The following GPM6A variants were observed in gnomAD, a reference collection of about 807,000 sequenced individuals.
GPM6A encodes the protein neuronal membrane glycoprotein M6-a.
GPM6A carries 7 observed loss-of-function variants against 32.1 expected under a neutral mutation model. That is an observed-to-expected ratio of 0.22 (90% CI 0.12 to 0.41). GPM6A has a LOEUF of 0.41. GPM6A is among the 10% of genes least tolerant of loss of function. The pLI is 1.00. For synonymous variants in GPM6A, 130 were observed against 123.4 expected, an observed-to-expected ratio of 1.05 and a Z score of -0.35; for missense variants, 235 against 347.2, an observed-to-expected ratio of 0.68 and a Z score of 2.57.
chr4:175,766,915 A>G (rs1479577861), intron 1 of GPM6A, among the ~76,000 whole-genome samples: 2 of 152,052 alleles, frequency 1.3e-5, no homozygotes, highest in African/African-American at 2.4e-5. Context: ...TCGGCCTCCT[A>G]AAGTGCTGGG....
chr4:175,951,339 G>A (rs1410871048), intron 1 of GPM6A, among the ~76,000 whole-genome samples: 1 of 152,180 alleles, frequency 6.6e-6, no homozygotes, highest in African/African-American at 2.4e-5. Flanking sequence ...GGATATAGAA[G>A]TGAAGATGGA....
chr4:175,733,823 T>G (rs1290844068), intron 1 of GPM6A, among the ~76,000 whole-genome samples: 1 of 152,196 alleles, frequency 6.6e-6, no homozygotes, highest in African/African-American at 2.4e-5. Flanking sequence ...TAGCCATGCT[T>G]TAAAAGCTAG....
chr4:175,784,099 A>C (rs1262445146), intron 1 of GPM6A, among the ~76,000 whole-genome samples: 1 of 152,146 alleles, frequency 6.6e-6, no homozygotes, highest in East Asian at 1.9e-4. Flanking sequence ...TAATATTCCC[A>C]GTAATAAATA....
At chr4:175,885,543 A>G (rs1737425217) in intron 1 of GPM6A, among the ~76,000 whole-genome samples, 5 of 152,120 alleles carry the variant, frequency 3.3e-5, no homozygotes, top group Admixed American at 2.6e-4. Flanking sequence ...AGGTGGGCAG[A>G]TGGCTTGAGC....
chr4:175,705,120 A>C (rs2111074502), intron 1 of GPM6A, among the ~76,000 whole-genome samples: 1 of 152,348 alleles, frequency 6.6e-6, no homozygotes, highest in African/African-American at 2.4e-5. Flanking sequence ...CAGAGCATCA[A>C]GTATAAATTC....
At chr4:175,644,485 G>A (rs1216144548) in intron 4 of GPM6A, among the ~76,000 whole-genome samples, 1 of 151,406 alleles carries the variant, frequency 6.6e-6, no homozygotes, top group Non-Finnish European at 1.5e-5. Context: ...TTTGTGATAA[G>A]TATACCATAT....
intron 1 of GPM6A, among the ~76,000 whole-genome samples, chr4:175,964,942 A>T (rs1002237461): frequency 1.3e-5 from 2 of 152,262 alleles, no homozygotes; most frequent in African/African-American, 4.8e-5. Context: ...CAAAAACTCA[A>T]AGAACTGCAA....
Position 175,957,903 on chromosome 4 carries a change from G to GT in GPM6A, c.-23+44405dup, listed in dbSNP as rs988275011. ...TGTTCTGTTTTGTTGTTTGTTTTTTGTTTTTTTGAGACGGAGTCTCACTGC... is the reference window on the plus strand; with the variant it reads ...TGTTCTGTTTTGTTGTTTGTTTTTTGTTTTTTTTGAGACGGAGTCTCACTGC... On this transcript the variant is annotated intron_variant, in intron 1 of 7. Transcript: ENST00000280187. Among the ~76,000 whole-genome samples the GT allele has an allele frequency of 3.6e-4, 55 of 151,904 alleles. 1 individual carries two copies. Among genetic ancestry groups the GT allele is most frequent in the Non-Finnish European group, 2.9e-4 (20 of 67,958 alleles).
intron 1 of GPM6A, among the ~76,000 whole-genome samples, chr4:175,764,672 A>G (rs115655848): frequency 0.069 from 10,518 of 152,122 alleles, 395 homozygotes; most frequent in Non-Finnish European, 0.08. Context: ...TTTCAAAAAC[A>G]TAATAAAAAC....
chr4:175,742,720 G>T (rs1731937851), intron 1 of GPM6A, among the ~76,000 whole-genome samples: 1 of 152,120 alleles, frequency 6.6e-6, no homozygotes, highest in African/African-American at 2.4e-5. Flanking sequence ...ATACACAAGA[G>T]CAGAAGTGAT....
chr4:175,927,624 C>T (rs1320665120), intron 1 of GPM6A, among the ~76,000 whole-genome samples: 4 of 152,348 alleles, frequency 2.6e-5, no homozygotes, highest in Middle Eastern at 3.4e-3. Context: ...GTGGCTCACG[C>T]CTGTAATCCC....
At chr4:175,817,048 T>C (rs373944419), upstream of GPM6A, among the ~76,000 whole-genome samples, 1 of 152,040 alleles carries the variant, frequency 6.6e-6, no homozygotes, top group South Asian at 2.1e-4. Flanking sequence ...GTAGTAGAGA[T>C]GGGGTTTCAC....
chr4:175,763,260 C>T (rs1442767565), intron 1 of GPM6A, among the ~76,000 whole-genome samples: 1 of 152,126 alleles, frequency 6.6e-6, no homozygotes, highest in African/African-American at 2.4e-5. Flanking sequence ...GATTCACCTG[C>T]CTCGGCCTCC....
chr4:175,695,420 G>T (rs1222956295), intron 2 of GPM6A, among the ~76,000 whole-genome samples: 3 of 152,230 alleles, frequency 2.0e-5, no homozygotes, highest in Non-Finnish European at 4.4e-5. Flanking sequence ...GCTTCCCAAA[G>T]CCTGGGGGGG....
chr4:175,749,716 A>G (rs1177743510), intron 1 of GPM6A, among the ~76,000 whole-genome samples: 1 of 152,202 alleles, frequency 6.6e-6, no homozygotes, highest in Admixed American at 6.5e-5. Flanking sequence ...GTAAAAAGCG[A>G]TGGATGTCAT....
intron 1 of GPM6A, chr4:175,970,833 G>A (rs1440157325): frequency 2.2e-6 from 1 of 454,196 alleles, no homozygotes; most frequent in Non-Finnish European, 4.4e-6. Context: ...TAAGCTGTCA[G>A]AAGAAGAAAT....
chr4:175,706,214 A>G (rs1745179412), intron 1 of GPM6A, among the ~76,000 whole-genome samples: 1 of 152,212 alleles, frequency 6.6e-6, no homozygotes, highest in Non-Finnish European at 1.5e-5. Context: ...AAAAGAAAAT[A>G]GAAGAAATAG....
chr4:175,746,144 A>G (rs1732094280), intron 1 of GPM6A, among the ~76,000 whole-genome samples: 1 of 152,196 alleles, frequency 6.6e-6, no homozygotes, highest in Non-Finnish European at 1.5e-5. Context: ...TGTAATTCAT[A>G]TGAACAACAG....
At chr4:175,889,682 G>A (rs1359946248) in intron 1 of GPM6A, among the ~76,000 whole-genome samples, 1 of 151,978 alleles carries the variant, frequency 6.6e-6, no homozygotes, top group East Asian at 1.9e-4. Flanking sequence ...GCGTGGTGGC[G>A]GACGCCTGTA....
Sources: allele counts gnomAD v4.1 joint callset (sites outside exome capture counted in the v4.1 genomes callset), GRCh38; gene constraint gnomAD v4.1.1; transcripts MANE v1.5; gene names NCBI Gene and HGNC (gene_info 2026-07-23, HGNC 2026-07-21).